Variants in ALS2 observed in about 807,000 individuals in gnomAD.
ALS2 encodes the protein alsin Rho guanine nucleotide exchange factor ALS2, also known as alsin.
A neutral mutation model predicts 203.4 loss-of-function variants in ALS2; 117 were observed. The observed-to-expected ratio is 0.58, with a 90% CI of 0.50 to 0.67. ALS2 has a LOEUF of 0.67. Ranked by LOEUF, ALS2 falls within the 30% of genes least tolerant of loss-of-function variation. ALS2 has a pLI of 0.00. For synonymous variants in ALS2, 718 were observed against 725.9 expected (o/e 0.99, Z 0.17); for missense variants, 1,715 against 1,989.4 (o/e 0.86, Z 2.62).
intron 9 of ALS2, among the ~76,000 whole-genome samples, chr2:201,745,206 T>G (rs1316172930): frequency 6.6e-6 from 1 of 152,236 alleles, no homozygotes; most frequent in African/African-American, 2.4e-5. Context: ...AATGTTGCCT[T>G]TAATCTTTAA....
chr2:201,718,324 A>G, intron 23 of ALS2, 114 bp from the exon 24 acceptor site: 1 of 1,186,750 alleles, frequency 8.4e-7, no homozygotes, highest in Non-Finnish European at 1.2e-6. Flanking sequence ...CAGTGATGCG[A>G]TCTTGGCTCA....
chr2:201,711,339 T>TC (rs1690016498), intron 25 of ALS2, among the ~76,000 whole-genome samples: 1 of 152,208 alleles, frequency 6.6e-6, no homozygotes, highest in Non-Finnish European at 1.5e-5. Flanking sequence ...TAATGAAGAT[T>TC]CTACAATAAA....
At chr2:201,770,102 T>G (rs1694309230) in intron 1 of ALS2, among the ~76,000 whole-genome samples, 2 of 152,226 alleles carry the variant, frequency 1.3e-5, no homozygotes, top group Non-Finnish European at 2.9e-5. Context: ...TAGCCTTTTG[T>G]AAAATGCACA....
At chr2:201,758,851 G>A (rs1380219585) in intron 4 of ALS2, among the ~76,000 whole-genome samples, 1 of 152,072 alleles carries the variant, frequency 6.6e-6, no homozygotes, top group African/African-American at 2.4e-5. Flanking sequence ...ACCTAGCGAA[G>A]TGCCTGACAT....
chr2:201,780,591 A>C (rs1446282299), intron 1 of ALS2, among the ~76,000 whole-genome samples: 1 of 152,204 alleles, frequency 6.6e-6, no homozygotes, highest in African/African-American at 2.4e-5. Context: ...CGCAGCTGAG[A>C]CCACTGCAGC....
In ALS2 at chr2:201,761,070, T is replaced by C; in HGVS notation, c.924A>G (p.Val308=). 1.2e-6 allele frequency: 2 copies of C among 1,614,212 alleles called. No individual in the cohort carries two copies. The highest frequency in any genetic ancestry group is 8.5e-7 in the Non-Finnish European group (1 of 1,180,026). Residue 308 remains valine, a synonymous_variant, in exon 4 of 34, where the codon GTA becomes GTG. Transcript: ENST00000264276. The stretch of plus-strand genomic sequence containing the variant: ...CATCGCTGCTTGTGATCTGAGCACT[T>C]ACTGCATTCAGTTCAGTAGCAACAG... The part of the protein sequence containing the change: ...DQSVATELNA[V]SAQITSSDAM...
intron 3 of ALS2, 135 bp from the exon 4 acceptor site, chr2:201,761,953 G>T: frequency 1.0e-6 from 1 of 965,538 alleles, no homozygotes; most frequent in Admixed American, 2.4e-5. Context: ...AGCAGTTGTA[G>T]AAATCTGGTT....
chr2:201,732,692 G>A (rs993229722), intron 13 of ALS2, among the ~76,000 whole-genome samples: 1 of 152,206 alleles, frequency 6.6e-6, no homozygotes, highest in African/African-American at 2.4e-5. Flanking sequence ...GGATTTGAAA[G>A]GTGAATGTCT....
intron 24 of ALS2, among the ~76,000 whole-genome samples, chr2:201,716,055 T>C (rs1690369229): frequency 1.3e-5 from 2 of 152,238 alleles, no homozygotes; most frequent in Admixed American, 1.3e-4. Flanking sequence ...TATGGAATAC[T>C]AAGTACAAAG....
intron 1 of ALS2, among the ~76,000 whole-genome samples, chr2:201,770,872 AC>A (rs1694343165): frequency 1.3e-5 from 2 of 152,142 alleles, no homozygotes; most frequent in Non-Finnish European, 2.9e-5. Flanking sequence ...CCATGCCGAC[AC>A]CTTGACTTTA....
rs1363757216 is a variant in ALS2 at position 201,701,099 on chromosome 2, C to G, written c.*752G>C. On this transcript the variant is annotated 3_prime_UTR_variant, in exon 34 of 34. Coordinates refer to ENST00000264276, the MANE Select transcript of ALS2 (RefSeq NM_020919.4). Reference sequence around the variant, plus strand: ...GCACATGGACAAATGAGGTTCCTAGCAGCTCAGAGTCGGTGTCTGAATTCC... The same window carrying G: ...GCACATGGACAAATGAGGTTCCTAGGAGCTCAGAGTCGGTGTCTGAATTCC... 6.6e-6 allele frequency: 1 copy of G among 152,622 alleles called. No individual in the cohort carries two copies. Among genetic ancestry groups the G allele is most frequent in the African/African-American group, 2.4e-5 (1 of 41,444 alleles). The allele number at this position is 152,622 out of a possible 1,614,324, so 9.5% of individuals were successfully genotyped here.
At chr2:201,767,460 T>C in intron 2 of ALS2, 77 bp from the exon 3 acceptor site, 2 of 1,515,430 alleles carry the variant, frequency 1.3e-6, no homozygotes, top group Non-Finnish European at 9.1e-7. Context: ...CTTTTCATGA[T>C]TGTACCTTTT....
intron 1 of ALS2, among the ~76,000 whole-genome samples, chr2:201,774,311 A>G (rs1694556180): frequency 6.6e-6 from 1 of 152,196 alleles, no homozygotes; most frequent in Admixed American, 6.5e-5. Flanking sequence ...TTTTTTCATA[A>G]GAAGAAAGGT....
chr2:201,719,225 T>C (rs999688683), intron 23 of ALS2, among the ~76,000 whole-genome samples: 1 of 152,212 alleles, frequency 6.6e-6, no homozygotes, highest in East Asian at 1.9e-4. Context: ...CCCACTGTGA[T>C]GGTAGTAAGA....
intron 23 of ALS2, among the ~76,000 whole-genome samples, chr2:201,721,155 A>G (rs6745851): frequency 0.98 from 149,290 of 152,296 alleles, 73,237 homozygotes; most frequent in Middle Eastern, 1. Flanking sequence ...AAATATTGCC[A>G]AGAGAAATTA....
intron 26 of ALS2, 98 bp downstream of exon 26, chr2:201,710,893 G>A: frequency 1.2e-6 from 1 of 808,994 alleles, no homozygotes; most frequent in Non-Finnish European, 2.1e-6. Context: ...GCAAAAACAG[G>A]ATTAGAATAA....
At position 201,704,156 on chromosome 2, in the gene ALS2, T is replaced by G. The variant is rs1357269641; in HGVS notation, c.4901A>C (p.His1634Pro). ...IEDLMDPYLQHGEQGIMFTTL... is the reference protein window; with the variant it reads ...IEDLMDPYLQPGEQGIMFTTL... Reference sequence around the variant, plus strand: ...GGTGAACATTATACCCTGTTCCCCATGCTGAAGATAGGGGTCCATTAGATC... The same window carrying G: ...GGTGAACATTATACCCTGTTCCCCAGGCTGAAGATAGGGGTCCATTAGATC... The change falls in exon 33 of 34, where the codon CAT becomes CCT. Residue 1634 changes from histidine to proline, a missense_variant. Transcript: ENST00000264276. 26 of 1,614,026 alleles carry G rather than the reference T, an allele frequency of 1.6e-5. No individual in the cohort carries two copies. The highest frequency in any genetic ancestry group is 2.2e-5 in the Non-Finnish European group (26 of 1,179,894).
intron 23 of ALS2, among the ~76,000 whole-genome samples, chr2:201,720,650 G>C (rs1036615503): frequency 1.3e-5 from 2 of 151,812 alleles, no homozygotes; most frequent in African/African-American, 4.8e-5. Flanking sequence ...GGAGGTTGAG[G>C]CTGCAGGGAG....
At chr2:201,719,378 C>G (rs1208861599) in intron 23 of ALS2, among the ~76,000 whole-genome samples, 1 of 152,164 alleles carries the variant, frequency 6.6e-6, no homozygotes, top group Non-Finnish European at 1.5e-5. Flanking sequence ...ATCATGAGGT[C>G]AGGAGTTCGA....
Sources: allele counts gnomAD v4.1 joint callset (sites outside exome capture counted in the v4.1 genomes callset), GRCh38; gene constraint gnomAD v4.1.1; transcripts MANE v1.5; gene names NCBI Gene and HGNC (gene_info 2026-07-23, HGNC 2026-07-21).